The following MECOM variants were observed in gnomAD, a reference collection of about 807,000 sequenced individuals.
The protein encoded by MECOM is MDS1 and EVI1 complex locus.
A neutral mutation model predicts 116.3 loss-of-function variants in MECOM; 13 were observed. That is an observed-to-expected ratio of 0.11 (90% CI 0.07 to 0.18). MECOM has a LOEUF of 0.18. Among genes scored for constraint, MECOM ranks in the 10% least tolerant of loss-of-function variants. MECOM has a pLI of 1.00. For missense variants in MECOM, 1,299 were observed against 1,509.0 expected (o/e 0.86, Z 2.31); for synonymous variants, 528 against 535.2 (o/e 0.99, Z 0.19).
rs1255613781 is a variant in MECOM, at chr3:169,594,174, A to AAAAAAAAAAAAAAAAAAAC, written c.37+69161_37+69162insGTTTTTTTTTTTTTTTTTT. 6.1e-3 allele frequency among the ~76,000 whole-genome samples: 774 copies of AAAAAAAAAAAAAAAAAAAC among 125,872 alleles called. 44 individuals are homozygous for AAAAAAAAAAAAAAAAAAAC. The highest frequency in any genetic ancestry group is 8.3e-3 in the Non-Finnish European group (510 of 61,662). 82.6% of individuals were successfully genotyped at this position (125,872 alleles called of 152,430 possible). ...CACCACAAAAAAAAAAAAAAAAAAAAAACACCTTTTCACCTAAGTACCTCA... is the reference window on the plus strand; with the variant it reads ...CACCACAAAAAAAAAAAAAAAAAAAAAAAAAAAAAAAAAAAAAACAACACCTTTTCACCTAAGTACCTCA... On this transcript the variant is annotated intron_variant, in intron 1 of 16. Transcript: ENST00000651503.
chr3:169,344,948 GA>G, intron 2 of MECOM, among the ~76,000 whole-genome samples: 1 of 152,260 alleles, frequency 6.6e-6, no homozygotes, highest in East Asian at 1.9e-4. Flanking sequence ...TAGTGGAAAT[GA>G]AGGGAGAATT....
chr3:169,442,899 T>C (rs1743971747), intron 1 of MECOM, among the ~76,000 whole-genome samples: 1 of 152,186 alleles, frequency 6.6e-6, no homozygotes. Context: ...TTGCTTTGTA[T>C]TACAGTCATT....
In MECOM at chr3:169,102,357, T is replaced by C. The variant is rs2148958803; in HGVS notation, c.2605-131A>G. The C allele has an allele frequency of 9.2e-6, 6 of 652,214 alleles. No individual in the cohort carries two copies. In the South Asian group the frequency reaches 2.0e-4, roughly 22 times the overall value. The allele number at this position is 652,214 out of a possible 1,614,324, so 40.4% of individuals were successfully genotyped here. A position where few individuals can be genotyped will look rare whatever the true frequency, so the allele number is the denominator to read the frequency against. ...CGGGTTGTAGAAAGAGACTGTAGTA[T>C]CCCAATATTAAATAAACAACAACAG... On this transcript the variant is annotated intron_variant, in intron 10 of 16. Transcript: ENST00000651503.
At chr3:169,315,909 T>A (rs1208949927) in intron 2 of MECOM, among the ~76,000 whole-genome samples, 1 of 152,088 alleles carries the variant, frequency 6.6e-6, no homozygotes, top group Non-Finnish European at 1.5e-5. Flanking sequence ...ATAAAAAAAA[T>A]TGCCTAACAC....
In MECOM at chr3:169,406,839, GT is replaced by G. The variant is rs11375902; in HGVS notation, c.38-25316del. On this transcript the variant is annotated intron_variant, in intron 1 of 16. Transcript: ENST00000651503. ...TCTATTTCAAGGTTATTTGGTTACT[GT>G]TTTTTTTTGTTTTTTTTTTTTAATG... is the stretch of plus-strand genomic sequence containing the variant. Among the ~76,000 whole-genome samples the G allele has an allele frequency of 2.3e-4, 33 of 143,512 alleles. No homozygotes were observed. In the East Asian group the frequency reaches 5.1e-3, roughly 22 times the overall value. 94.1% of individuals were successfully genotyped at this position (143,512 alleles called of 152,430 possible).
At chr3:169,540,640 T>G (rs538529639) in intron 1 of MECOM, among the ~76,000 whole-genome samples, 1 of 152,210 alleles carries the variant, frequency 6.6e-6, no homozygotes, top group African/African-American at 2.4e-5. Context: ...TCACCTACTA[T>G]GTAGATGGAG....
At chr3:169,523,590 G>A (rs1309991892) in intron 1 of MECOM, among the ~76,000 whole-genome samples, 3 of 152,040 alleles carry the variant, frequency 2.0e-5, no homozygotes, top group African/African-American at 4.8e-5. Context: ...AAGTACTTAG[G>A]CACTGACATG....
intron 1 of MECOM, among the ~76,000 whole-genome samples, chr3:169,403,116 T>C (rs1302068727): frequency 6.6e-6 from 1 of 152,232 alleles, no homozygotes; most frequent in Non-Finnish European, 1.5e-5. Context: ...CAACATTCTC[T>C]ATACAGCGTT....
chr3:169,133,132 CAT>C lies in MECOM; in HGVS notation c.511-1603_511-1602del, dbSNP rs761402931. 1.1e-3 allele frequency among the ~76,000 whole-genome samples: 162 copies of C among 147,524 alleles called. 1 individual carries two copies. Among genetic ancestry groups the C allele is most frequent in the South Asian group, 2.0e-3 (9 of 4,600 alleles). On this transcript the variant is annotated intron_variant, in intron 3 of 16. Transcript: ENST00000651503. ...ACATACACACACACACACACACACA[CAT>C]ACACTACCAAAACAATAACACAACA...
At chr3:169,490,592 T>C (rs1009208481) in intron 1 of MECOM, among the ~76,000 whole-genome samples, 6 of 152,176 alleles carry the variant, frequency 3.9e-5, no homozygotes, top group African/African-American at 1.2e-4. Context: ...AAAAGCAAGT[T>C]GAAGAATGAT....
At chr3:169,370,865 G>T (rs557204173) in intron 2 of MECOM, among the ~76,000 whole-genome samples, 15 of 151,880 alleles carry the variant, frequency 9.9e-5, no homozygotes, top group Non-Finnish European at 2.1e-4. Flanking sequence ...TAGAATGACT[G>T]TTATTGGCGA....
chr3:169,116,466 T>C lies in MECOM; in HGVS notation c.1406A>G (p.Tyr469Cys), dbSNP rs972600027. The C allele has an allele frequency of 1.2e-6, 2 of 1,614,038 alleles. No homozygotes were observed. The highest frequency in any genetic ancestry group is 2.7e-5 in the African/African-American group (2 of 74,904). ...MSHANPGLAD[Y>C]FGANRHPAGL... The stretch of plus-strand genomic sequence containing the variant: ...AGCAGGATGCCTATTGGCGCCAAAA[T>C]AGTCAGCAAGGCCCGGGTTGGCATG... The change falls in exon 8 of 17, where the codon TAT becomes TGT. Residue 469 changes from tyrosine to cysteine, a missense_variant. By Grantham distance (194) the Tyr-to-Cys change is radical. Coordinates refer to ENST00000651503, the MANE Select transcript of MECOM (RefSeq NM_004991.4).
chr3:169,218,335 AT>A (rs1416827098), intron 2 of MECOM, among the ~76,000 whole-genome samples: 4 of 152,188 alleles, frequency 2.6e-5, no homozygotes, highest in African/African-American at 9.7e-5. Flanking sequence ...TTGCAGTAGA[AT>A]TTTTGAAATC....
At chr3:169,198,910 G>A (rs1352338) in intron 2 of MECOM, among the ~76,000 whole-genome samples, 148,898 of 151,468 alleles carry the variant, frequency 0.98, 73,203 homozygotes, top group East Asian at 1. Context: ...CCTTCCTGTG[G>A]AAAAAAAAAT....
rs1773918229 is a variant in MECOM, at chr3:169,644,550, C to T, written c.37+18786G>A. Among the ~76,000 whole-genome samples the T allele has an allele frequency of 2.0e-5, 3 of 152,156 alleles. No homozygotes were observed. In the South Asian group the frequency reaches 6.2e-4, roughly 32 times the overall value. On this transcript the variant is annotated intron_variant, in intron 1 of 16. Coordinates refer to ENST00000651503, the MANE Select transcript of MECOM (RefSeq NM_004991.4). ...GGGATTATAGGGGTGAGCCACCACA[C>T]CCGGCCCCTACCATTTTATATTTTA...
At chr3:169,596,209 T>G (rs1053086994) in intron 1 of MECOM, among the ~76,000 whole-genome samples, 4 of 152,234 alleles carry the variant, frequency 2.6e-5, no homozygotes, top group African/African-American at 9.6e-5. Context: ...GCAAGTTTCA[T>G]CTTCAGAAAC....
chr3:169,089,697 T>G (rs1369809482), intron 15 of MECOM, among the ~76,000 whole-genome samples: 1 of 152,096 alleles, frequency 6.6e-6, no homozygotes, highest in Non-Finnish European at 1.5e-5. Flanking sequence ...AAATCTCTAT[T>G]TTTCTTTGAG....
intron 1 of MECOM, among the ~76,000 whole-genome samples, chr3:169,635,062 A>G (rs904089149): frequency 6.6e-6 from 1 of 152,132 alleles, no homozygotes; most frequent in African/African-American, 2.4e-5. Flanking sequence ...GAAGAGGCTC[A>G]TGCAGTTCAG....
intron 2 of MECOM, among the ~76,000 whole-genome samples, chr3:169,334,608 C>T (rs998487524): frequency 1.3e-5 from 2 of 152,058 alleles, no homozygotes; most frequent in Non-Finnish European, 2.9e-5. Context: ...TAGTTGAGGT[C>T]AGAGAGGATG....
Sources: gnomAD v4.1 joint callset for allele counts (sites outside exome capture counted in the v4.1 genomes callset) on GRCh38, gnomAD v4.1.1 for gene constraint, MANE v1.5 for transcripts, NCBI Gene and HGNC (gene_info 2026-07-23, HGNC 2026-07-21) for gene names.